ZNF717: variants seen among roughly 807,000 people sequenced by gnomAD.
The protein encoded by ZNF717 is krueppel-like factor X17.
In ZNF717, 9 loss-of-function variants were observed where a neutral mutation model predicts 13.8. The ratio of observed to expected loss-of-function variants is 0.65; its 90% CI spans 0.39 to 1.14. The LOEUF (loss-of-function observed/expected upper bound fraction) is 1.14, where lower values mean the gene tolerates loss of function less well. ZNF717 is among the 50% of genes most tolerant of loss of function. ZNF717 has a pLI of 0.01. For synonymous variants in ZNF717, 327 were observed against 364.1 expected (o/e 0.90, Z 1.16); for missense variants, 1,040 against 1,080.7 (o/e 0.96, Z 0.53).
At chr3:75,742,031 G>A (rs1940532038) in intron 2 of ZNF717, among the ~76,000 whole-genome samples, 1 of 152,204 alleles carries the variant, frequency 6.6e-6, no homozygotes, top group Non-Finnish European at 1.5e-5. Flanking sequence ...AGTAATCACA[G>A]TAGAAATATG....
chr3:75,772,087 G>A (rs1404041426), intron 2 of ZNF717, among the ~76,000 whole-genome samples: 11 of 152,132 alleles, frequency 7.2e-5, no homozygotes, highest in African/African-American at 2.4e-4. Context: ...TGGCCTGCAG[G>A]CACTCCTCAG....
At position 75,739,106 on chromosome 3, in the gene ZNF717, C is replaced by T. The variant is rs533239502; in HGVS notation, c.517G>A (p.Glu173Lys). ...QNMLFPIKPG[E>K]TQSGEKPHVC... is the part of the protein sequence containing the mutation. The stretch of plus-strand genomic sequence containing the variant: ...TGAGGTTTCTCTCCAGACTGTGTCT[C>T]CCCAGGCTTAATAGGGAAAAGCATG... Residue 173 changes from glutamate (E) to lysine (K), a missense_variant, in exon 5 of 5, where the codon GAG becomes AAG. Transcript: ENST00000652011. 6.4e-6 allele frequency: 10 copies of T among 1,551,400 alleles called. No individual in the cohort carries two copies. The highest frequency in any genetic ancestry group is 8.7e-6 in the Non-Finnish European group (10 of 1,146,848).
chr3:75,762,311 T>C (rs201160729), intron 2 of ZNF717, among the ~76,000 whole-genome samples: 665 of 145,626 alleles, frequency 4.6e-3, no homozygotes, highest in South Asian at 0.035. Context: ...CATGGTGGCG[T>C]GCACCTGTGA....
downstream of ZNF717, among the ~76,000 whole-genome samples, chr3:75,729,602 C>T (rs77822946): frequency 1.8e-4 from 21 of 116,816 alleles, no homozygotes; most frequent in Admixed American, 9.5e-4. Flanking sequence ...GTGACAATAG[C>T]GAAACTCCAT....
chr3:75,767,044 T>C (rs1321879672), intron 2 of ZNF717, among the ~76,000 whole-genome samples: 2 of 152,272 alleles, frequency 1.3e-5, no homozygotes, highest in East Asian at 1.9e-4. Context: ...TACTGACTTA[T>C]TTGGCCAACA....
chr3:75,784,969 GTTCTTC>G (rs1323403967), intron 1 of ZNF717: 1 of 152,294 alleles, frequency 6.6e-6, no homozygotes, highest in African/African-American at 2.4e-5. Flanking sequence ...GCATCAGTGA[GTTCTTC>G]CCTGGAAACT....
At chr3:75,710,707 T>G (rs78071164) in exon 6 of ZNF717, 1 of 152,210 alleles carries the variant, frequency 6.6e-6, no homozygotes, top group Non-Finnish European at 1.5e-5. Flanking sequence ...TTATCTAGTT[T>G]CAGCTCATAG....
intron 2 of ZNF717, among the ~76,000 whole-genome samples, chr3:75,762,205 G>A (rs1026228718): frequency 6.6e-5 from 10 of 152,188 alleles, no homozygotes; most frequent in African/African-American, 1.2e-4. Context: ...ATGGGAGGCC[G>A]AGGCAGGCAA....
chr3:75,696,377 T>C (rs1937603420), intron 6 of ZNF717, among the ~76,000 whole-genome samples: 1 of 152,306 alleles, frequency 6.6e-6, no homozygotes, highest in African/African-American at 2.4e-5. Flanking sequence ...AACTCATTCT[T>C]TGAGGCTAGT....
At chr3:75,764,258 G>A (rs1048055879) in intron 2 of ZNF717, among the ~76,000 whole-genome samples, 1 of 152,120 alleles carries the variant, frequency 6.6e-6, no homozygotes, top group Non-Finnish European at 1.5e-5. Context: ...ACCCAGATGG[G>A]AGCCGTGAAA....
At position 75,724,921 on chromosome 3, in the gene ZNF717, T is replaced by C. The variant is rs1317509278; in HGVS notation, n.545-8380A>G. ...TCTCCCAGACCCATCACACCTGTTC[T>C]GGCACAAAGTTTTATTAATTCTACT... On this transcript the variant is annotated intron_variant and non_coding_transcript_variant, in intron 4 of 5. Transcript: ENST00000491507. 3.3e-5 allele frequency among the ~76,000 whole-genome samples: 5 copies of C among 152,406 alleles called. No individual in the cohort carries two copies. In the East Asian group the frequency reaches 9.6e-4, roughly 29 times the overall value.
intron 1 of ZNF717, among the ~76,000 whole-genome samples, 166 bp downstream of exon 1, chr3:75,785,218 C>A (rs1459452120): frequency 3.3e-5 from 5 of 152,210 alleles, no homozygotes; most frequent in Admixed American, 3.3e-4. Flanking sequence ...GAGCGTCATG[C>A]GGGTTGGTAA....
intron 2 of ZNF717, among the ~76,000 whole-genome samples, chr3:75,750,790 C>A (rs1941698464): frequency 6.7e-6 from 1 of 149,510 alleles, no homozygotes; most frequent in Non-Finnish European, 1.5e-5. Context: ...CTGAATTTCT[C>A]CCTCACATAG....
At chr3:75,740,629 C>A (rs75422028) in intron 4 of ZNF717, among the ~76,000 whole-genome samples, 2 of 142,352 alleles carry the variant, frequency 1.4e-5, no homozygotes, top group African/African-American at 5.3e-5. Context: ...GCCAGAAGTT[C>A]GAGACCAGCC....
At chr3:75,751,144 G>C (rs1941751941) in intron 2 of ZNF717, among the ~76,000 whole-genome samples, 1 of 151,916 alleles carries the variant, frequency 6.6e-6, no homozygotes, top group South Asian at 2.1e-4. Flanking sequence ...TAGTATTCCA[G>C]AACACTGCTG....
At chr3:75,732,820 T>C, downstream of ZNF717, among the ~76,000 whole-genome samples, 1 of 152,196 alleles carries the variant, frequency 6.6e-6, no homozygotes, top group Non-Finnish European at 1.5e-5. Context: ...GTATCTCATA[T>C]CTAGGAATAA....
chr3:75,770,635 C>T (rs1575946168), intron 2 of ZNF717, among the ~76,000 whole-genome samples: 1 of 152,194 alleles, frequency 6.6e-6, no homozygotes, highest in South Asian at 2.1e-4. Flanking sequence ...GAGCCTGAAT[C>T]TAAGCAAGAA....
intron 4 of ZNF717, among the ~76,000 whole-genome samples, chr3:75,724,435 G>C (rs370471069): frequency 1.8e-3 from 273 of 149,590 alleles, no homozygotes; most frequent in African/African-American, 6.0e-3. Flanking sequence ...TAGAGATGGG[G>C]TTTCATCATG....
chr3:75,761,534 T>C (rs1003646770), intron 2 of ZNF717, among the ~76,000 whole-genome samples: 4 of 152,204 alleles, frequency 2.6e-5, no homozygotes, highest in Admixed American at 6.5e-5. Context: ...TCAGAATAAT[T>C]AGGCAAGAGA....
Sources: gnomAD v4.1 joint callset for allele counts (sites outside exome capture counted in the v4.1 genomes callset) on GRCh38, gnomAD v4.1.1 for gene constraint, MANE v1.5 for transcripts, NCBI Gene and HGNC (gene_info 2026-07-23, HGNC 2026-07-21) for gene names.